The following HPGDS variants were observed in gnomAD, a reference collection of about 807,000 sequenced individuals.
HPGDS encodes the protein hematopoietic prostaglandin D synthase.
In HPGDS, 26 loss-of-function variants were observed where a neutral mutation model predicts 23.1. The ratio of observed to expected loss-of-function variants is 1.13; its 90% CI spans 0.83 to 1.56. The LOEUF is 1.56. HPGDS is among the 40% of genes most tolerant of loss of function. The pLI is 0.00. For missense variants in HPGDS, 268 were observed against 236.4 expected (o/e 1.13, Z -0.88); for synonymous variants, 95 against 77.9 (o/e 1.22, Z -1.16).
In HPGDS at chr4:94,326,778, A is replaced by G. The variant is rs1035297928; in HGVS notation, c.133+7719T>C. Among the ~76,000 whole-genome samples the G allele has an allele frequency of 6.6e-5, 10 of 150,996 alleles. 1 individual carries two copies. Among genetic ancestry groups the G allele is most frequent in the African/African-American group, 2.4e-4 (10 of 40,996 alleles). ...AGATGTCTTGTTTCCTTGCTTTTTC[A>G]TATTTCTTGTGTCTTTATGTTGATT... On this transcript the variant is annotated intron_variant, in intron 2 of 5. Coordinates refer to ENST00000295256, the MANE Select transcript of HPGDS (RefSeq NM_014485.3).
chr4:94,317,819 A>T (rs1190804617), intron 3 of HPGDS, 54 bp downstream of exon 3: 1 of 957,636 alleles, frequency 1.0e-6, no homozygotes, highest in Non-Finnish European at 1.7e-6. Flanking sequence ...TATTGAATAT[A>T]TATCATGTAT....
At chr4:94,318,834 T>C (rs1031165302) in intron 2 of HPGDS, among the ~76,000 whole-genome samples, 1 of 152,164 alleles carries the variant, frequency 6.6e-6, no homozygotes, top group Middle Eastern at 3.2e-3. Flanking sequence ...TGCCTCAGCC[T>C]CCTGAGTAGC....
intron 3 of HPGDS, among the ~76,000 whole-genome samples, chr4:94,309,659 T>C (rs1193298013): frequency 6.6e-6 from 1 of 152,002 alleles, no homozygotes; most frequent in Non-Finnish European, 1.5e-5. Context: ...ATGGGATGGC[T>C]GGGTCAAATG....
intron 2 of HPGDS, 129 bp from the exon 3 acceptor site, chr4:94,318,094 A>G (rs1330410053): frequency 3.1e-6 from 2 of 650,582 alleles, no homozygotes; most frequent in Non-Finnish European, 5.4e-6. Context: ...ATATTTTTAA[A>G]GGAACACTTG....
intron 3 of HPGDS, among the ~76,000 whole-genome samples, chr4:94,312,482 G>C (rs546805791): frequency 1.7e-4 from 26 of 152,320 alleles, no homozygotes; most frequent in Admixed American, 7.2e-4. Context: ...GTTCTAATTT[G>C]ATTGCACTGT....
chr4:94,307,055 C>A (rs1756152923), intron 4 of HPGDS, among the ~76,000 whole-genome samples: 1 of 151,986 alleles, frequency 6.6e-6, no homozygotes, highest in Admixed American at 6.6e-5. Flanking sequence ...AAAAATAGGT[C>A]ACATACAAAA....
intron 5 of HPGDS, among the ~76,000 whole-genome samples, chr4:94,301,266 C>T (rs1409482618): frequency 1.3e-5 from 2 of 152,184 alleles, no homozygotes; most frequent in Non-Finnish European, 2.9e-5. Context: ...CCTACCACAA[C>T]TTGTAATCAG....
At chr4:94,319,342 GC>G (rs1288788183) in intron 2 of HPGDS, among the ~76,000 whole-genome samples, 1 of 152,032 alleles carries the variant, frequency 6.6e-6, no homozygotes, top group Non-Finnish European at 1.5e-5. Context: ...GCTCCTGCAT[GC>G]TTTTGGTTCC....
Position 94,308,818 on chromosome 4 carries a change from C to T in HPGDS, c.227-75G>A, listed in dbSNP as rs1358937686. On this transcript the variant is annotated intron_variant, in intron 3 of 5. Transcript: ENST00000295256. ...AAGTTTGTTTTTAACAGATAGTATACTCATATGGTTGAAAATTCAAAGAGT... is the reference window on the plus strand; with the variant it reads ...AAGTTTGTTTTTAACAGATAGTATATTCATATGGTTGAAAATTCAAAGAGT... 9 of 709,100 alleles carry T rather than the reference C, an allele frequency of 1.3e-5. No individual in the cohort carries two copies. In the African/African-American group the frequency reaches 1.3e-4, roughly 10 times the overall value. 43.9% of individuals were successfully genotyped at this position (709,100 alleles called of 1,614,324 possible). A position where few individuals can be genotyped will look rare whatever the true frequency, so the allele number is the denominator to read the frequency against.
At position 94,336,492 on chromosome 4, in the gene HPGDS, A is replaced by G. The variant is rs540795276; in HGVS notation, c.-9-1854T>C. Among the ~76,000 whole-genome samples the G allele has an allele frequency of 5.9e-5, 9 of 152,298 alleles. No individual in the cohort carries two copies. The East Asian group carries it at 1.7e-3, about 29-fold the overall frequency. On this transcript the variant is annotated intron_variant, in intron 1 of 5. Transcript: ENST00000295256. ...TGCTAAAACGAGAGAGCTACTGCCA[A>G]TCATTCCTGCCCAGTTTGCATCAGC...
At chr4:94,310,958 A>T (rs1478268511) in intron 3 of HPGDS, among the ~76,000 whole-genome samples, 1 of 151,834 alleles carries the variant, frequency 6.6e-6, no homozygotes, top group East Asian at 1.9e-4. Context: ...GGTGTATAAG[A>T]ATACTTGTGA....
intron 3 of HPGDS, among the ~76,000 whole-genome samples, chr4:94,315,436 A>G (rs1018322487): frequency 6.6e-6 from 1 of 152,202 alleles, no homozygotes; most frequent in Non-Finnish European, 1.5e-5. Context: ...AGTTTTTGTC[A>G]GGAGCATTTG....
At chr4:94,303,234 A>C (rs1024327048) in intron 4 of HPGDS, among the ~76,000 whole-genome samples, 2 of 152,148 alleles carry the variant, frequency 1.3e-5, no homozygotes, top group African/African-American at 4.8e-5. Context: ...AAGCATCCTT[A>C]CATACAGGTT....
chr4:94,334,406 C>G, intron 2 of HPGDS, 91 bp downstream of exon 2: 1 of 1,252,434 alleles, frequency 8.0e-7, no homozygotes, highest in East Asian at 2.4e-5. Flanking sequence ...ACATGAGCTT[C>G]GAAAACCTTG....
intron 2 of HPGDS, among the ~76,000 whole-genome samples, chr4:94,324,400 A>G (rs1455993706): frequency 6.6e-6 from 1 of 152,172 alleles, no homozygotes. Context: ...TATACCAATC[A>G]AATGTAGATC....
At chr4:94,325,456 C>T (rs1206800686) in intron 2 of HPGDS, among the ~76,000 whole-genome samples, 9 of 152,174 alleles carry the variant, frequency 5.9e-5, no homozygotes, top group Non-Finnish European at 2.9e-5. Flanking sequence ...AGCTTCCCAG[C>T]CGCTTTGTTT....
At chr4:94,340,184 C>T (rs568508728) in intron 1 of HPGDS, among the ~76,000 whole-genome samples, 1 of 151,770 alleles carries the variant, frequency 6.6e-6, no homozygotes, top group Non-Finnish European at 1.5e-5. Context: ...TCTCGATCAT[C>T]TGACCTTGTG....
At chr4:94,339,967 A>G (rs1249986714) in intron 1 of HPGDS, among the ~76,000 whole-genome samples, 2 of 152,084 alleles carry the variant, frequency 1.3e-5, no homozygotes, top group African/African-American at 2.4e-5. Context: ...CTCTTCCGCT[A>G]TGATGGTGAG....
In HPGDS at chr4:94,299,662, A is replaced by G; in HGVS notation, c.436-18T>C. ...CAAGTTACCTAGTTTAAAGGAAACA[A>G]ACTTTTCATTTGAACATAGAAAGTG... On this transcript the variant is annotated intron_variant, in intron 5 of 5. Transcript: ENST00000295256. 1.2e-6 allele frequency: 2 copies of G among 1,604,696 alleles called. No homozygotes were observed. Among genetic ancestry groups the G allele is most frequent in the Non-Finnish European group, 8.5e-7 (1 of 1,173,824 alleles).
Sources: gnomAD v4.1 joint callset for allele counts (sites outside exome capture counted in the v4.1 genomes callset) on GRCh38, gnomAD v4.1.1 for gene constraint, MANE v1.5 for transcripts, NCBI Gene and HGNC (gene_info 2026-07-23, HGNC 2026-07-21) for gene names.